MED16: variants seen among roughly 807,000 people sequenced by gnomAD.
MED16 encodes the protein mediator complex subunit 16, also known as mediator of RNA polymerase II transcription subunit 16.
In MED16, 81 loss-of-function variants were observed where a neutral mutation model predicts 84.4. The observed-to-expected ratio is 0.96, with a 90% CI of 0.80 to 1.15. MED16 has a LOEUF of 1.15. Ranked by LOEUF, MED16 falls within the 50% of genes most tolerant of loss-of-function variation. The pLI is 0.00. For missense variants in MED16, 1,585 were observed against 1,245.9 expected (o/e 1.27, Z -4.10); for synonymous variants, 897 against 552.2 (o/e 1.62, Z -8.76).
Position 885,863 on chromosome 19 carries a change from G to A in MED16, c.786C>T (p.Ser262=). 1 of 1,613,796 alleles carries A rather than the reference G, an allele frequency of 6.2e-7. No homozygotes were observed. The stretch of plus-strand genomic sequence containing the variant: ...GGTCGGTGGTGCAGCGCATGAACAG[G>A]GAGGGCAGGATCTCCGTGTCGATAC... The part of the protein sequence containing the change: ...KCRIDTEILP[S]LFMRCTTDLN... Residue 262 remains serine (S), a synonymous_variant, in exon 5 of 16, where the codon TCC becomes TCT. Transcript: ENST00000325464.
chr19:889,035 C>T (rs981629510), intron 4 of MED16, among the ~76,000 whole-genome samples: 3 of 148,568 alleles, frequency 2.0e-5, no homozygotes, highest in Admixed American at 6.7e-5. Context: ...ACCCTGGCCA[C>T]GCCTACTCTT....
chr19:878,584 G>A (rs2036327348), intron 8 of MED16, among the ~76,000 whole-genome samples: 1 of 72,216 alleles, frequency 1.4e-5, no homozygotes, highest in Non-Finnish European at 2.5e-5. Flanking sequence ...ACATGCCCCA[G>A]CAGCTCACCT....
rs143154170 is a variant in MED16, at chr19:876,932, GCCC to G, written c.1560+39_1560+41del. ...CCACGGGGCCCCCACCTGCCACAGGGCCCCCACCTGCCACGGGGCCCCACCTGC... is the reference window on the plus strand; with the variant it reads ...CCACGGGGCCCCCACCTGCCACAGGGCCACCTGCCACGGGGCCCCACCTGC... On this transcript the variant is annotated intron_variant, in intron 9 of 15. Transcript: ENST00000325464. 1.1e-5 allele frequency: 17 copies of G among 1,558,090 alleles called. 1 individual carries two copies. The highest frequency in any genetic ancestry group is 4.5e-4 in the Middle Eastern group (2 of 4,476).
At chr19:889,544 G>A (rs2036591239) in intron 4 of MED16, 94 bp downstream of exon 4, 2 of 1,464,158 alleles carry the variant, frequency 1.4e-6, no homozygotes, top group Admixed American at 2.2e-5. Flanking sequence ...AAAAAACCAG[G>A]GGATGCTGGT....
rs199765164 is a variant in MED16 at position 875,374 on chromosome 19, G to C, written c.1641C>G (p.Tyr547Ter). The C allele has an allele frequency of 6.2e-7, 1 of 1,609,768 alleles. No homozygotes were observed. The highest frequency in any genetic ancestry group is 8.5e-7 in the Non-Finnish European group (1 of 1,179,740). Reference sequence around the variant, plus strand: ...TGGCGATGAGGAAGAGCTTGGTGTGGTAGTCGCACACGCGGGTCACCGTGC... The same window carrying C: ...TGGCGATGAGGAAGAGCTTGGTGTGCTAGTCGCACACGCGGGTCACCGTGC... The part of the protein sequence containing the change: ...SPCTVTRVCD[Y>*]HTKLFLIAIS... The change falls in exon 10 of 16, where the codon TAC becomes TAG. Residue 547 changes from tyrosine (Y) to a stop codon, truncating the protein, a stop_gained. Coordinates refer to ENST00000325464, the MANE Select transcript of MED16 (RefSeq NM_005481.3). LOFTEE classifies it high-confidence loss of function.
In MED16 at chr19:881,577, G is replaced by A. The variant is rs2036423461; in HGVS notation, c.1123C>T (p.Gln375Ter). Residue 375 changes from glutamine (Q) to a stop codon, truncating the protein, a stop_gained, in exon 7 of 16, where the codon CAG becomes TAG. Coordinates refer to ENST00000325464, the MANE Select transcript of MED16 (RefSeq NM_005481.3). LOFTEE classifies it high-confidence loss of function. ...ACCGTACCGAGGCCAGGGTAGAACTGTGTGTCGCTGGCCACCTTGAGGTCG... is the reference window on the plus strand; with the variant it reads ...ACCGTACCGAGGCCAGGGTAGAACTATGTGTCGCTGGCCACCTTGAGGTCG... ...NTDLKVASDT[Q>*]FYPGLGLALA... is the part of the protein sequence containing the mutation. 3 of 1,612,322 alleles carry A rather than the reference G, an allele frequency of 1.9e-6. No individual in the cohort carries two copies. The highest frequency in any genetic ancestry group is 1.7e-6 in the Non-Finnish European group (2 of 1,179,860).
At chr19:878,416 A>C (rs2036318602) in intron 8 of MED16, among the ~76,000 whole-genome samples, 1 of 64,144 alleles carries the variant, frequency 1.6e-5, no homozygotes, top group Non-Finnish European at 2.8e-5. Context: ...CCTGGTTGTC[A>C]ATGTCCACCA....
chr19:875,871 T>C (rs1462564279), intron 9 of MED16, among the ~76,000 whole-genome samples: 1 of 151,996 alleles, frequency 6.6e-6, no homozygotes, highest in Admixed American at 6.6e-5. Flanking sequence ...CTGAAGCATT[T>C]TGGGAGGCTG....
rs778772888 is a variant in MED16 at position 884,909 on chromosome 19, G to A, written c.979C>T (p.Pro327Ser). The A allele has an allele frequency of 9.3e-6, 15 of 1,606,616 alleles. No individual in the cohort carries two copies. The African/African-American group carries it at 1.9e-4, about 20-fold the overall frequency. Residue 327 changes from proline (P) to serine (S), a missense_variant, in exon 6 of 16, where the codon CCC (proline) becomes TCC (serine). Pro to Ser is a moderately conservative substitution (Grantham distance 74). Coordinates refer to ENST00000325464, the MANE Select transcript of MED16 (RefSeq NM_005481.3). ...CAGCCGGCGGGAGACTCACCCACGG[G>A]GGAGATCTGCTGGAAGATGTTGTTC... Reference protein sequence around the residue: ...PVNNIFQQISPVVGDKQPTIL... With the variant: ...PVNNIFQQISSVVGDKQPTIL...
intron 10 of MED16, among the ~76,000 whole-genome samples, chr19:874,225 T>C (rs2036174056): frequency 1.3e-5 from 2 of 152,094 alleles, no homozygotes; most frequent in African/African-American, 4.8e-5. Flanking sequence ...GCCATTCTCC[T>C]GCCTCAGCCT....
intron 13 of MED16, among the ~76,000 whole-genome samples, chr19:869,418 G>A (rs562565656): frequency 1.3e-5 from 2 of 152,066 alleles, no homozygotes; most frequent in African/African-American, 4.8e-5. Context: ...CTCGGTGGTG[G>A]GTGGGGGACC....
At chr19:878,087 C>G in intron 8 of MED16, among the ~76,000 whole-genome samples, 1 of 129,718 alleles carries the variant, frequency 7.7e-6, no homozygotes, top group East Asian at 2.5e-4. Context: ...GCCCCCCAGC[C>G]CCAGCCCCAG....
In MED16 at chr19:871,964, G is replaced by T. The variant is rs779045261; in HGVS notation, c.2060C>A (p.Ser687Tyr). Reference protein sequence around the residue: ...TATSDTQDSMSLLFRLLTKLW... With the variant: ...TATSDTQDSMYLLFRLLTKLW... ...CTTGGTGAGCAGGCGGAAGAGCAGG[G>T]ACATGCTGTCCTGGGTATCCGAGGT... The change falls in exon 12 of 16, where the codon TCC (serine) becomes TAC (tyrosine). Residue 687 changes from serine (S) to tyrosine (Y), a missense_variant. Physicochemically the swap from Ser to Tyr is moderately radical, Grantham distance 144. Transcript: ENST00000325464. The T allele has an allele frequency of 5.0e-6, 8 of 1,606,606 alleles. No individual in the cohort carries two copies. The East Asian group carries it at 1.8e-4, about 36-fold the overall frequency.
chr19:881,750 G>A (rs1214033474), intron 6 of MED16, 36 bp from the exon 7 acceptor site: 4 of 1,600,042 alleles, frequency 2.5e-6, no homozygotes, highest in Admixed American at 3.4e-5. Context: ...GGAAGGCAAT[G>A]GAGTAAAGAC....
intron 5 of MED16, among the ~76,000 whole-genome samples, chr19:885,550 C>T (rs967176633): frequency 6.6e-6 from 1 of 152,118 alleles, no homozygotes; most frequent in African/African-American, 2.4e-5. Context: ...GCTGTGGCCA[C>T]GAAGCGGGAG....
chr19:876,384 C>T (rs932151330), intron 9 of MED16, among the ~76,000 whole-genome samples: 6 of 152,096 alleles, frequency 3.9e-5, no homozygotes, highest in African/African-American at 1.2e-4. Flanking sequence ...ATCTTCTGAC[C>T]GTGTTTGCTG....
intron 11 of MED16, 101 bp downstream of exon 11, chr19:873,348 C>A: frequency 1.2e-6 from 1 of 803,830 alleles, no homozygotes; most frequent in Non-Finnish European, 1.7e-6. Flanking sequence ...CAACTAGGGG[C>A]GGGGCTGAGG....
In MED16 at chr19:890,131, C is replaced by A; in HGVS notation, c.277+6G>T. 6.5e-7 allele frequency: 1 copy of A among 1,541,756 alleles called. No individual in the cohort carries two copies. Among genetic ancestry groups the A allele is most frequent in the Non-Finnish European group, 8.8e-7 (1 of 1,141,480 alleles). On this transcript the variant is annotated splice_donor_region_variant and intron_variant, in intron 3 of 15. Transcript: ENST00000325464. ...CACCCCTGGCCACGTGGGACCAGCGCCTCACCTGACTGGTCCCACTCCAGG... is the reference window on the plus strand; with the variant it reads ...CACCCCTGGCCACGTGGGACCAGCGACTCACCTGACTGGTCCCACTCCAGG...
Position 868,849 on chromosome 19 carries a change from C to CG in MED16, c.2399+13dup. 3 of 1,545,404 alleles carry CG rather than the reference C, an allele frequency of 1.9e-6. No homozygotes were observed. The highest frequency in any genetic ancestry group is 2.6e-6 in the Non-Finnish European group (3 of 1,147,304). The stretch of plus-strand genomic sequence containing the variant: ...GCACATCTCTGGGAGTCAGCGGTTC[C>CG]GGGGGCCCCTCACCTGGTGCAGGCC... On this transcript the variant is annotated intron_variant, in intron 14 of 15. Transcript: ENST00000325464.
Sources: gnomAD v4.1 joint callset for allele counts (sites outside exome capture counted in the v4.1 genomes callset) on GRCh38, gnomAD v4.1.1 for gene constraint, MANE v1.5 for transcripts, NCBI Gene and HGNC (gene_info 2026-07-23, HGNC 2026-07-21) for gene names.